ITGA2: variants seen among roughly 807,000 people sequenced by gnomAD.
The protein encoded by ITGA2 is integrin subunit alpha 2, also known as integrin alpha-2.
Under a neutral mutation model 146.3 loss-of-function variants are expected in ITGA2, and 101 were observed. The ratio of observed to expected loss-of-function variants is 0.69; its 90% CI spans 0.59 to 0.81. The LOEUF (loss-of-function observed/expected upper bound fraction) is 0.81. ITGA2 is among the 40% of genes least tolerant of loss of function. The probability of loss-of-function intolerance (pLI) is 0.00; values close to 1 mark genes in which losing one functional copy is unlikely to be tolerated. For missense variants in ITGA2, 1,281 were observed against 1,402.7 expected (o/e 0.91, Z 1.39); for synonymous variants, 477 against 487.1 (o/e 0.98, Z 0.27).
At chr5:53,064,060 G>A (rs961405350) in intron 13 of ITGA2, among the ~76,000 whole-genome samples, 1 of 151,802 alleles carries the variant, frequency 6.6e-6, no homozygotes, top group African/African-American at 2.4e-5. Context: ...GAAAAAAACT[G>A]TGTTTTACAA....
intron 1 of ITGA2, among the ~76,000 whole-genome samples, chr5:53,008,657 C>T (rs868213729): frequency 6.7e-6 from 1 of 148,506 alleles, no homozygotes. Context: ...TCTCTCTCTG[C>T]CTCTTAAAAT....
chr5:53,029,419 T>G (rs1330861748), intron 2 of ITGA2, among the ~76,000 whole-genome samples: 1 of 152,226 alleles, frequency 6.6e-6, no homozygotes, highest in Non-Finnish European at 1.5e-5. Flanking sequence ...TTTTGTCTGT[T>G]CCTTGAACAT....
Position 53,065,829 on chromosome 5 carries a change from C to G in ITGA2, c.1807-12C>G. 6.2e-7 allele frequency: 1 copy of G among 1,611,654 alleles called. No homozygotes were observed. The highest frequency in any genetic ancestry group is 8.5e-7 in the Non-Finnish European group (1 of 1,178,476). ...TGTGTACTATAATTTCGTGTCAAACCTGCTCTTTTAGAAAATCTTGGGATC... is the reference window on the plus strand; with the variant it reads ...TGTGTACTATAATTTCGTGTCAAACGTGCTCTTTTAGAAAATCTTGGGATC... On this transcript the variant is annotated splice_polypyrimidine_tract_variant and intron_variant, in intron 14 of 29. Transcript: ENST00000296585.
At chr5:52,997,311 A>T (rs1446732857) in intron 1 of ITGA2, among the ~76,000 whole-genome samples, 2 of 152,224 alleles carry the variant, frequency 1.3e-5, no homozygotes, top group Admixed American at 6.5e-5. Context: ...TGAAAAGGTG[A>T]CTGAAATTCT....
intron 2 of ITGA2, among the ~76,000 whole-genome samples, chr5:53,032,565 C>T (rs1743275460): frequency 6.6e-6 from 1 of 152,086 alleles, no homozygotes. Flanking sequence ...ACAAAATGTT[C>T]CAAACGTACA....
intron 16 of ITGA2, 89 bp from the exon 17 acceptor site, chr5:53,070,020 C>T (rs2111989638): frequency 9.3e-7 from 1 of 1,075,790 alleles, no homozygotes; most frequent in South Asian, 1.3e-5. Flanking sequence ...ATGTGAGATA[C>T]TTTGTCCAAG....
chr5:53,067,382 C>G, intron 16 of ITGA2, 125 bp downstream of exon 16: 1 of 996,756 alleles, frequency 1.0e-6, no homozygotes, highest in Non-Finnish European at 1.5e-6. Context: ...ACTTAAGTTT[C>G]CTTACACTGG....
intron 1 of ITGA2, among the ~76,000 whole-genome samples, chr5:53,025,499 C>CT (rs1374167323): frequency 6.6e-6 from 1 of 152,152 alleles, no homozygotes; most frequent in African/African-American, 2.4e-5. Flanking sequence ...GATTTTGGCA[C>CT]TTACAGAGGG....
intron 9 of ITGA2, among the ~76,000 whole-genome samples, chr5:53,057,129 A>C (rs1347748517): frequency 1.3e-5 from 2 of 152,022 alleles, no homozygotes; most frequent in Non-Finnish European, 2.9e-5. Context: ...CCACACTGAT[A>C]ATTGTATTTG....
chr5:53,033,590 A>C (rs539982479), intron 2 of ITGA2, among the ~76,000 whole-genome samples: 3 of 151,838 alleles, frequency 2.0e-5, no homozygotes, highest in Non-Finnish European at 4.4e-5. Context: ...TTATTTAATT[A>C]AATTAATTAA....
intron 15 of ITGA2, among the ~76,000 whole-genome samples, 178 bp from the exon 16 acceptor site, chr5:53,066,940 A>G (rs1259673389): frequency 6.6e-6 from 1 of 151,912 alleles, no homozygotes; most frequent in African/African-American, 2.4e-5. Flanking sequence ...AAATTAAAAA[A>G]AAAATTATCT....
intron 1 of ITGA2, among the ~76,000 whole-genome samples, chr5:53,014,415 T>C (rs1424320240): frequency 1.3e-5 from 2 of 152,196 alleles, no homozygotes; most frequent in Non-Finnish European, 2.9e-5. Context: ...TTGATTGGCA[T>C]TTGTTGCACC....
At chr5:53,088,219 ACT>A (rs1048029765) in intron 28 of ITGA2, among the ~76,000 whole-genome samples, 6 of 152,192 alleles carry the variant, frequency 3.9e-5, no homozygotes, top group African/African-American at 1.4e-4. Context: ...AATATGTGAA[ACT>A]CTACTGAAGA....
chr5:53,000,660 T>A (rs1283528647), intron 1 of ITGA2, among the ~76,000 whole-genome samples: 2 of 152,126 alleles, frequency 1.3e-5, no homozygotes, highest in Non-Finnish European at 2.9e-5. Flanking sequence ...TTTCGCAGTT[T>A]ATGAGTTTCT....
At chr5:53,056,340 A>T (rs1744632990) in intron 9 of ITGA2, among the ~76,000 whole-genome samples, 191 bp downstream of exon 9, 1 of 152,084 alleles carries the variant, frequency 6.6e-6, no homozygotes, top group South Asian at 2.1e-4. Context: ...ACTGATAAAC[A>T]TAAGAAAATA....
At chr5:53,083,159 A>G (rs1746006650) in intron 26 of ITGA2, among the ~76,000 whole-genome samples, 181 bp from the exon 27 acceptor site, 2 of 152,026 alleles carry the variant, frequency 1.3e-5, no homozygotes, top group Admixed American at 6.6e-5. Context: ...ACATTTTGAG[A>G]TATAGTCCCA....
chr5:53,067,810 G>C (rs1342009246), intron 16 of ITGA2, among the ~76,000 whole-genome samples: 1 of 151,900 alleles, frequency 6.6e-6, no homozygotes, highest in African/African-American at 2.4e-5. Flanking sequence ...GGGGAAGGAT[G>C]AGGAAATCAT....
intron 25 of ITGA2, 84 bp downstream of exon 25, chr5:53,080,705 T>A: frequency 1.0e-6 from 1 of 1,002,216 alleles, no homozygotes; most frequent in Non-Finnish European, 1.6e-6. Flanking sequence ...TCTGACATTT[T>A]ACAGATGGGA....
chr5:53,043,661 G>A (rs1290526469), intron 3 of ITGA2, among the ~76,000 whole-genome samples: 3 of 152,190 alleles, frequency 2.0e-5, no homozygotes, highest in African/African-American at 7.2e-5. Flanking sequence ...GGATAGCAGT[G>A]TGAGAAGATT....
Sources: gnomAD v4.1 joint callset for allele counts (sites outside exome capture counted in the v4.1 genomes callset) on GRCh38, gnomAD v4.1.1 for gene constraint, MANE v1.5 for transcripts, NCBI Gene and HGNC (gene_info 2026-07-23, HGNC 2026-07-21) for gene names.